The following PLIN4 variants were observed in gnomAD, a reference collection of about 807,000 sequenced individuals.
PLIN4 encodes the protein perilipin 4.
Under a neutral mutation model 52.4 loss-of-function variants are expected in PLIN4, and 57 were observed. The observed-to-expected ratio is 1.09, with a 90% confidence interval of 0.88 to 1.36. The LOEUF (loss-of-function observed/expected upper bound fraction) is 1.36. Ranked by LOEUF, PLIN4 falls within the 40% of genes most tolerant of loss-of-function variation. PLIN4 has a pLI of 0.00. For synonymous variants in PLIN4, 826 were observed against 785.4 expected (o/e 1.05, Z -0.86); for missense variants, 1,757 against 1,770.3 (o/e 0.99, Z 0.13).
At position 4,504,617 on chromosome 19, in the gene PLIN4, C is replaced by T. The variant is rs1380580083; in HGVS notation, c.3958G>A (p.Gly1320Ser). The T allele has an allele frequency of 1.9e-6, 3 of 1,604,128 alleles. No homozygotes were observed. The highest frequency in any genetic ancestry group is 4.5e-5 in the East Asian group (2 of 44,686). Residue 1320 changes from glycine (G) to serine (S), a missense_variant, in exon 8 of 8, where the codon GGC (glycine) becomes AGC (serine). This residue lies in a region of PLIN4 where 712 missense variants were observed against 637.1 expected (regional missense o/e 1.12). Transcript: ENST00000301286. Reference protein sequence around the residue: ...CELYGIVASAGSVEELPAERL... With the variant: ...CELYGIVASASSVEELPAERL... ...TCTGCGGGCAGCTCCTCTACAGAGC[C>T]AGCTGAGGCCACGATGCCATAGAGC... is the stretch of plus-strand genomic sequence containing the variant.
intron 5 of PLIN4, among the ~76,000 whole-genome samples, chr19:4,509,678 G>A (rs1014621199): frequency 2.0e-5 from 3 of 152,090 alleles, no homozygotes; most frequent in Non-Finnish European, 1.5e-5. Context: ...GGTGGCTCAT[G>A]CCTGTAATCC....
chr19:4,508,830 G>A lies in PLIN4; in HGVS notation c.3640C>T (p.Leu1214=). 6.2e-7 allele frequency: 1 copy of A among 1,606,700 alleles called. No individual in the cohort carries two copies. The highest frequency in any genetic ancestry group is 1.7e-5 in the Admixed American group (1 of 59,078). ...CTGGCTTGGAACTGGCCGTGCTGCA[G>A]GTGGCTCACCGCGTGTTCAAATGCC... ...QRAFEHAVSH[L]QHGQFQARDT... The change falls in exon 6 of 8, where the codon CTG becomes TTG. Residue 1214 remains leucine, a synonymous_variant. Transcript: ENST00000301286.
Position 4,503,676 on chromosome 19 carries a change from TG to T in PLIN4, c.*782del. 1 of 152,514 alleles carries T rather than the reference TG, an allele frequency of 6.6e-6. No individual in the cohort carries two copies. The highest frequency in any genetic ancestry group is 1.5e-5 in the Non-Finnish European group (1 of 68,202). 9.4% of individuals were successfully genotyped at this position (152,514 alleles called of 1,614,324 possible). A position where few individuals can be genotyped will look rare whatever the true frequency, so the allele number is the denominator to read the frequency against. On this transcript the variant is annotated 3_prime_UTR_variant, in exon 8 of 8. Transcript: ENST00000301286. ...CAGGGGCCTCAGAGCCCCAGGTGCC[TG>T]GGGCAGGCCTGTGGTGGGCAGCTGG...
Position 4,510,853 on chromosome 19 carries a change from C to T in PLIN4, c.3107G>A (p.Gly1036Glu). The T allele has an allele frequency of 6.2e-7, 1 of 1,613,356 alleles. No individual in the cohort carries two copies. Among genetic ancestry groups the T allele is most frequent in the Non-Finnish European group, 8.5e-7 (1 of 1,179,578 alleles). Reference protein sequence around the residue: ...TKDAVSAGLMGSGNVATGATH... With the variant: ...TKDAVSAGLMESGNVATGATH... ...GGCCCCTGTCGCCACGTTCCCTGAC[C>T]CCATGAGCCCAGCGGACACTGCGTC... Residue 1036 changes from glycine to glutamate, a missense_variant, in exon 5 of 8, where the codon GGG becomes GAG. This residue lies in a region of PLIN4 where 712 missense variants were observed against 637.1 expected (regional missense o/e 1.12). Transcript: ENST00000301286.
rs1975934567 is a variant in PLIN4 at position 4,502,261 on chromosome 19, G to A, written c.*2198C>T. 1 of 588,460 alleles carries A rather than the reference G, an allele frequency of 1.7e-6. No individual in the cohort carries two copies. Among genetic ancestry groups the A allele is most frequent in the South Asian group, 1.7e-5 (1 of 60,106 alleles). The allele number at this position is 588,460 out of a possible 1,614,324, so 36.5% of individuals were successfully genotyped here. ...AGCATTGCTGGTGCAGTGGGGGCCTGAGCTGGGGCGCAGGCGGCAGTGTCA... is the reference window on the plus strand; with the variant it reads ...AGCATTGCTGGTGCAGTGGGGGCCTAAGCTGGGGCGCAGGCGGCAGTGTCA... On this transcript the variant is annotated 3_prime_UTR_variant, in exon 8 of 8. Transcript: ENST00000301286.
In PLIN4 at chr19:4,510,067, A is replaced by T. The variant is rs200482765; in HGVS notation, c.3514+379T>A. ...AACAAACCAAATAAATACATTTTTA[A>T]AAAAAAAGTCAAGGGCCCAGCTGGG... On this transcript the variant is annotated intron_variant, in intron 5 of 7. Transcript: ENST00000301286. Among the ~76,000 whole-genome samples, 115 of 151,140 alleles carry T rather than the reference A, an allele frequency of 7.6e-4. 1 individual carries two copies. Among genetic ancestry groups the T allele is most frequent in the African/African-American group, 2.0e-3 (81 of 41,078 alleles).
chr19:4,502,775 G>GC lies in PLIN4; in HGVS notation c.*1683_*1684insG. On this transcript the variant is annotated 3_prime_UTR_variant, in exon 8 of 8. Transcript: ENST00000301286. ...CATAAGGGGCTGTCACGTGGGCACG[G>GC]TCCCAAGCAAGTCACCCCGTGCTCC... The GC allele has an allele frequency of 6.5e-6, 1 of 153,122 alleles. No homozygotes were observed. Among genetic ancestry groups the GC allele is most frequent in the East Asian group, 1.9e-4 (1 of 5,188 alleles). 9.5% of individuals were successfully genotyped at this position (153,122 alleles called of 1,614,324 possible).
In PLIN4 at chr19:4,511,832, C is replaced by T; in HGVS notation, c.2128G>A (p.Val710Ile). ...CTGGTCTGGACAGTCCCTTTGGCGA[C>T]ATTCACTGCCCCCATGAGCCCAGTA... ...VTTGLMGAVN[V>I]AKGTVQTSVD... Residue 710 changes from valine to isoleucine, a missense_variant, in exon 5 of 8, where the codon GTC (valine) becomes ATC (isoleucine). This residue lies in a region of PLIN4 where 96 missense variants were observed against 136.5 expected (regional missense o/e 0.70). Transcript: ENST00000301286. 1.9e-6 allele frequency: 3 copies of T among 1,610,730 alleles called. No homozygotes were observed. The highest frequency in any genetic ancestry group is 2.5e-6 in the Non-Finnish European group (3 of 1,177,148).
rs1298051302 is a variant in PLIN4, at chr19:4,510,540, T to C, written c.3420A>G (p.Thr1140=). The change falls in exon 5 of 8, where the codon ACA becomes ACG. Residue 1140 remains threonine, a synonymous_variant. Coordinates refer to ENST00000301286, the MANE Select transcript of PLIN4 (RefSeq NM_001367868.2). ...GREDTGLLAT[T]HGPEEAPRLA... ...AGCGTGGGGCTTCTTCGGGGCCGTG[T>C]GTGGTGGCCAAAAGCCCCGTGTCCT... 2.0e-6 allele frequency: 3 copies of C among 1,494,442 alleles called. No individual in the cohort carries two copies. The highest frequency in any genetic ancestry group is 2.8e-5 in the South Asian group (2 of 70,254). The allele number at this position is 1,494,442 out of a possible 1,614,324, so 92.6% of individuals were successfully genotyped here.
In PLIN4 at chr19:4,506,859, C is replaced by T. The variant is rs148368878; in HGVS notation, c.3702+1909G>A. Among the ~76,000 whole-genome samples, 68 of 152,362 alleles carry T rather than the reference C, an allele frequency of 4.5e-4. 1 individual carries two copies. In the East Asian group the frequency reaches 0.01, roughly 23 times the overall value. Reference sequence around the variant, plus strand: ...ACGCCTTCCAACTGCGCCATTGTACCGCGTGCCAGAGGCACGGCAGCGACT... The same window carrying T: ...ACGCCTTCCAACTGCGCCATTGTACTGCGTGCCAGAGGCACGGCAGCGACT... On this transcript the variant is annotated intron_variant, in intron 6 of 7. Coordinates refer to ENST00000301286, the MANE Select transcript of PLIN4 (RefSeq NM_001367868.2).
chr19:4,506,063 T>C (rs945079225), intron 6 of PLIN4, among the ~76,000 whole-genome samples: 6 of 151,938 alleles, frequency 3.9e-5, no homozygotes, highest in African/African-American at 1.5e-4. Context: ...TGGGTTTACG[T>C]CCCACTGTCT....
rs746419226 is a variant in PLIN4 at position 4,511,630 on chromosome 19, G to A, written c.2330C>T (p.Ala777Val). 12 of 1,163,424 alleles carry A rather than the reference G, an allele frequency of 1.0e-5. No individual in the cohort carries two copies. Among genetic ancestry groups the A allele is most frequent in the African/African-American group, 1.5e-5 (1 of 66,296 alleles). 72.1% of individuals were successfully genotyped at this position (1,163,424 alleles called of 1,614,324 possible). ...STGLTGAVKL[A>V]KGTVQTGMDT... The stretch of plus-strand genomic sequence containing the variant: ...CATGCCGGTCTGGACAGTCCCTTTG[G>A]CCAACTTCACAGCCCCTGTGAGCCC... Residue 777 changes from alanine to valine, a missense_variant, in exon 5 of 8, where the codon GCC becomes GTC. Ala to Val is a moderately conservative substitution (Grantham distance 64). This residue lies in a region of PLIN4 where 96 missense variants were observed against 136.5 expected (regional missense o/e 0.70). Coordinates refer to ENST00000301286, the MANE Select transcript of PLIN4 (RefSeq NM_001367868.2).
At chr19:4,507,308 A>G (rs1396174261) in intron 6 of PLIN4, among the ~76,000 whole-genome samples, 1 of 152,248 alleles carries the variant, frequency 6.6e-6, no homozygotes, top group Non-Finnish European at 1.5e-5. Context: ...ACGGTGGCTC[A>G]CGCCTGTCAT....
At chr19:4,507,106 G>T (rs944445156) in intron 6 of PLIN4, among the ~76,000 whole-genome samples, 1 of 152,212 alleles carries the variant, frequency 6.6e-6, no homozygotes, top group African/African-American at 2.4e-5. Flanking sequence ...CTGGAGGCAG[G>T]TCATCCACAC....
rs1599734781 is a variant in PLIN4 at position 4,505,051 on chromosome 19, G to A, written c.3703-104C>T. 3 of 1,066,818 alleles carry A rather than the reference G, an allele frequency of 2.8e-6. No individual in the cohort carries two copies. In the Middle Eastern group the frequency reaches 6.4e-4, roughly 227 times the overall value. The allele number at this position is 1,066,818 out of a possible 1,614,324, so 66.1% of individuals were successfully genotyped here. On this transcript the variant is annotated intron_variant, in intron 6 of 7. Transcript: ENST00000301286. ...GGACCTGGGCACATTCACAGTCCTG[G>A]GAGAAAGGCCACGAGTTCCAAGTCA... is the stretch of plus-strand genomic sequence containing the variant.
At chr19:4,517,323 G>GGGGGGCATTGT (rs1239449485) in intron 3 of PLIN4, among the ~76,000 whole-genome samples, 1 of 416 alleles carries the variant, frequency 2.4e-3, no homozygotes, top group African/African-American at 0.023. Context: ...GGGACTGAGT[G>GGGGGGCATTGT]GGGGGGCATT....
Position 4,502,991 on chromosome 19 carries a change from A to C in PLIN4, c.*1468T>G, listed in dbSNP as rs1366806818. ...ATTTCTGCAAATGGCTGTGTCTGGCATCCTAGCCTCCGATGGCCATGGGTG... is the reference window on the plus strand; with the variant it reads ...ATTTCTGCAAATGGCTGTGTCTGGCCTCCTAGCCTCCGATGGCCATGGGTG... On this transcript the variant is annotated 3_prime_UTR_variant, in exon 8 of 8. Transcript: ENST00000301286. 6.6e-6 allele frequency: 1 copy of C among 152,216 alleles called. No homozygotes were observed. Among genetic ancestry groups the C allele is most frequent in the Non-Finnish European group, 1.5e-5 (1 of 68,104 alleles). The allele number at this position is 152,216 out of a possible 1,614,324, so 9.4% of individuals were successfully genotyped here.
intron 6 of PLIN4, among the ~76,000 whole-genome samples, chr19:4,505,340 C>T (rs1056982855): frequency 7.2e-5 from 11 of 152,312 alleles, no homozygotes; most frequent in African/African-American, 2.4e-4. Context: ...TCCATTCTGC[C>T]CTCCGGCCAC....
chr19:4,506,489 T>C (rs1175118178), intron 6 of PLIN4, among the ~76,000 whole-genome samples: 4 of 152,190 alleles, frequency 2.6e-5, no homozygotes, highest in Admixed American at 6.5e-5. Context: ...CGACGCCCTA[T>C]ATATTCATCT....
Sources: allele counts gnomAD v4.1 joint callset (sites outside exome capture counted in the v4.1 genomes callset), GRCh38; gene constraint gnomAD v4.1.1; regional missense constraint gnomAD v4.1.1; transcripts MANE v1.5; gene names NCBI Gene and HGNC (gene_info 2026-07-23, HGNC 2026-07-21).